Variants in INPP5F observed in about 807,000 individuals in gnomAD.
The protein encoded by INPP5F is inositol polyphosphate-5-phosphatase F.
In INPP5F, 97 loss-of-function variants were observed where a neutral mutation model predicts 137.2. The ratio of observed to expected loss-of-function variants is 0.71; its 90% CI spans 0.60 to 0.84. The LOEUF is 0.84. INPP5F is among the 40% of genes least tolerant of loss of function. INPP5F has a pLI of 0.00. For missense variants in INPP5F, 1,271 were observed against 1,371.9 expected (o/e 0.93, Z 1.16); for synonymous variants, 504 against 476.9 (o/e 1.06, Z -0.74).
chr10:119,821,746 T>C (rs12778779), intron 16 of INPP5F, among the ~76,000 whole-genome samples: 8,355 of 149,050 alleles, frequency 0.056, 419 homozygotes, highest in South Asian at 0.28. Flanking sequence ...CTCCGTCTCT[T>C]GCTCTGTGTG....
chr10:119,805,555 A>AT (rs561683386), intron 11 of INPP5F, 94 bp downstream of exon 11: 571 of 862,728 alleles, frequency 6.6e-4, no homozygotes, highest in South Asian at 1.0e-3. Flanking sequence ...CAGAGACAGC[A>AT]TTTTTTTTTG....
chr10:119,747,694 T>C (rs1181431914), intron 1 of INPP5F, among the ~76,000 whole-genome samples: 1 of 152,168 alleles, frequency 6.6e-6, no homozygotes, highest in Non-Finnish European at 1.5e-5. Context: ...AAGCTATTAA[T>C]TAGAGAGGCA....
rs768004072 is a variant in INPP5F, at chr10:119,826,662, G to C, written c.2281G>C (p.Gly761Arg). 6.2e-7 allele frequency: 1 copy of C among 1,600,880 alleles called. No individual in the cohort carries two copies. The highest frequency in any genetic ancestry group is 2.2e-5 in the East Asian group (1 of 44,808). The part of the protein sequence containing the change: ...KSSKPHEDII[G>R]IRSQNQGSLA... ...CAGTAAACCTCACGAAGACATCATT[G>C]GTATCAGGTCTCAAAACCAAGGTTC... The change falls in exon 20 of 20, where the codon GGT becomes CGT. Residue 761 changes from glycine to arginine, a missense_variant. This residue lies in a region of INPP5F where 490 missense variants were observed against 443.7 expected (regional missense o/e 1.10). Transcript: ENST00000650623.
chr10:119,754,563 C>CT (rs765705208), intron 2 of INPP5F, among the ~76,000 whole-genome samples: 3 of 152,148 alleles, frequency 2.0e-5, no homozygotes, highest in Non-Finnish European at 4.4e-5. Context: ...GGGAAATTCT[C>CT]TTAATTTTTC....
At position 119,827,745 on chromosome 10, in the gene INPP5F, T is replaced by A. The variant is rs1271750939; in HGVS notation, c.3364T>A (p.Phe1122Ile). Residue 1122 changes from phenylalanine to isoleucine, a missense_variant, in exon 20 of 20, where the codon TTT (phenylalanine) becomes ATT (isoleucine). Transcript: ENST00000650623. ...CCAGCAAAATGAACTTAAAAAGATGTTTATACAATGCCAGACACGGATAAT... is the reference window on the plus strand; with the variant it reads ...CCAGCAAAATGAACTTAAAAAGATGATTATACAATGCCAGACACGGATAAT... ...QVQQNELKKM[F>I]IQCQTRIIQI is the part of the protein sequence containing the mutation. 1 of 1,612,754 alleles carries A rather than the reference T, an allele frequency of 6.2e-7. No individual in the cohort carries two copies.
intron 16 of INPP5F, among the ~76,000 whole-genome samples, chr10:119,821,981 C>T (rs1266971605): frequency 6.7e-6 from 1 of 148,228 alleles, no homozygotes; most frequent in Non-Finnish European, 1.5e-5. Flanking sequence ...TGATTCTCCT[C>T]CTGGGTTCAA....
intron 19 of INPP5F, 144 bp downstream of exon 19, chr10:119,824,046 A>G (rs1851669160): frequency 1.7e-6 from 1 of 595,362 alleles, no homozygotes; most frequent in Non-Finnish European, 2.9e-6. Context: ...ATTTCTGCAG[A>G]TCAAAATACT....
intron 2 of INPP5F, among the ~76,000 whole-genome samples, chr10:119,755,863 T>A (rs1848825027): frequency 6.6e-6 from 1 of 152,206 alleles, no homozygotes. Context: ...TTCTTGGTAA[T>A]AATAAGCATT....
Position 119,787,834 on chromosome 10 carries a change from G to A in INPP5F, c.316-3683G>A, listed in dbSNP as rs1849979835. On this transcript the variant is annotated intron_variant, in intron 3 of 19. Transcript: ENST00000650623. The surrounding 1 kb of genome is among the most constrained non-coding windows in gnomAD (Gnocchi z 4.1). ...GACTAACAGGGCTTCATGGGAGATG[G>A]GATCCTGGGGCCATGCTTAGCACTT... Among the ~76,000 whole-genome samples, 1 of 152,068 alleles carries A rather than the reference G, an allele frequency of 6.6e-6. No homozygotes were observed. The highest frequency in any genetic ancestry group is 2.1e-4 in the South Asian group (1 of 4,820).
chr10:119,749,305 G>C (rs1019285519), intron 1 of INPP5F, among the ~76,000 whole-genome samples: 3 of 152,264 alleles, frequency 2.0e-5, no homozygotes, highest in Non-Finnish European at 2.9e-5. Context: ...TTTCTGCCCT[G>C]CTGGCTCCAT....
chr10:119,752,275 T>TC (rs1848709710), intron 2 of INPP5F, among the ~76,000 whole-genome samples: 13 of 152,232 alleles, frequency 8.5e-5, no homozygotes, highest in Admixed American at 8.5e-4. Context: ...CGCATGTATC[T>TC]ACCACCTAGG....
Position 119,787,517 on chromosome 10 carries a change from G to A in INPP5F, c.316-4000G>A, listed in dbSNP as rs562271938. ...CGCTTGGATCTGGGAGGCGGAGGTT[G>A]CAGCAAGCTGAGATCGCGCCATTGC... On this transcript the variant is annotated intron_variant, in intron 3 of 19. Transcript: ENST00000650623. The surrounding 1 kb of genome is among the most constrained non-coding windows in gnomAD (Gnocchi z 4.1). Among the ~76,000 whole-genome samples, 11 of 152,162 alleles carry A rather than the reference G, an allele frequency of 7.2e-5. No homozygotes were observed. The highest frequency in any genetic ancestry group is 3.3e-4 in the Admixed American group (5 of 15,284).
intron 15 of INPP5F, chr10:119,819,362 T>C (rs1851452983): frequency 7.7e-7 from 1 of 1,291,120 alleles, no homozygotes; most frequent in Middle Eastern, 2.7e-4. Context: ...CAAGTGCTTT[T>C]TGTTAAGGAC....
At position 119,811,749 on chromosome 10, in the gene INPP5F, C is replaced by T. The variant is rs538905846; in HGVS notation, c.1688-8C>T. The T allele has an allele frequency of 4.4e-5, 70 of 1,603,940 alleles. 1 individual carries two copies. The South Asian group carries it at 6.8e-4, about 16-fold the overall frequency. ...AAATGATGATAGATATTAACAATTC[C>T]ACCCTAGATTTGATGCAAGGCATTC... On this transcript the variant is annotated splice_region_variant and splice_polypyrimidine_tract_variant and intron_variant, in intron 14 of 19. Coordinates refer to ENST00000650623, the MANE Select transcript of INPP5F (RefSeq NM_014937.4).
Position 119,826,769 on chromosome 10 carries a change from T to C in INPP5F, c.2388T>C (p.Asn796=), listed in dbSNP as rs761244233. Residue 796 remains asparagine, a synonymous_variant, in exon 20 of 20, where the codon AAT becomes AAC. Coordinates refer to ENST00000650623, the MANE Select transcript of INPP5F (RefSeq NM_014937.4). ...QKVKQTKSNV[N]IGNLRKLGNF... is the part of the protein sequence containing the mutation. Reference sequence around the variant, plus strand: ...TGAAGCAGACCAAATCCAATGTAAATATTGGCAACCTCCGAAAGCTAGGAA... The same window carrying C: ...TGAAGCAGACCAAATCCAATGTAAACATTGGCAACCTCCGAAAGCTAGGAA... 18 of 1,613,794 alleles carry C rather than the reference T, an allele frequency of 1.1e-5. No homozygotes were observed. Among genetic ancestry groups the C allele is most frequent in the Non-Finnish European group, 1.3e-5 (15 of 1,179,966 alleles).
At chr10:119,807,401 A>G (rs530754903) in intron 12 of INPP5F, among the ~76,000 whole-genome samples, 1 of 152,348 alleles carries the variant, frequency 6.6e-6, no homozygotes, top group South Asian at 2.1e-4. Context: ...CCCTGGCTCT[A>G]CCACATACAA....
chr10:119,816,201 G>A (rs544810386), intron 15 of INPP5F: 1 of 152,654 alleles, frequency 6.6e-6, no homozygotes, highest in African/African-American at 2.4e-5. Context: ...GGCACAGGAG[G>A]AGCTAGCTGG....
At chr10:119,812,817 C>A (rs1415288357) in intron 15 of INPP5F, among the ~76,000 whole-genome samples, 1 of 151,544 alleles carries the variant, frequency 6.6e-6, no homozygotes, top group Admixed American at 6.6e-5. Flanking sequence ...CACAACCTAG[C>A]AGAAGGTTTT....
At chr10:119,768,015 A>T (rs750126019) in intron 2 of INPP5F, among the ~76,000 whole-genome samples, 12 of 152,220 alleles carry the variant, frequency 7.9e-5, no homozygotes, top group Non-Finnish European at 1.2e-4. Flanking sequence ...AGGCGAGCAG[A>T]CTTTTCCCCT....
Sources: allele counts gnomAD v4.1 joint callset (sites outside exome capture counted in the v4.1 genomes callset), GRCh38; gene constraint gnomAD v4.1.1; regional missense constraint gnomAD v4.1.1; non-coding constraint Gnocchi (gnomAD v3.1); transcripts MANE v1.5; gene names NCBI Gene and HGNC (gene_info 2026-07-23, HGNC 2026-07-21).